The following ENTPD8 variants were observed in gnomAD, a reference collection of about 807,000 sequenced individuals.
ENTPD8 encodes the protein E-NTPDase 8.
A neutral mutation model predicts 47.0 loss-of-function variants in ENTPD8; 35 were observed. That is an observed-to-expected ratio of 0.75 (90% CI 0.57 to 0.99). The LOEUF (loss-of-function observed/expected upper bound fraction) is 0.99. Ranked by LOEUF, ENTPD8 falls within the 50% of genes least tolerant of loss-of-function variation. The probability of loss-of-function intolerance (pLI) is 0.00; values close to 1 mark genes in which losing one functional copy is unlikely to be tolerated. For missense variants in ENTPD8, 668 were observed against 649.9 expected, an observed-to-expected ratio of 1.03 and a Z score of -0.30; for synonymous variants, 308 against 290.5, an observed-to-expected ratio of 1.06 and a Z score of -0.61.
chr9:137,435,545 G>T (rs28558849), intron 8 of ENTPD8, among the ~76,000 whole-genome samples, 174 bp downstream of exon 8: 1 of 152,254 alleles, frequency 6.6e-6, no homozygotes, highest in East Asian at 1.9e-4. Context: ...GCCCAGCTGC[G>T]GCCGTGGCCA....
rs1326755316 is a variant in ENTPD8 at position 137,434,926 on chromosome 9, C to A, written c.1476G>T (p.Trp492Cys). The change falls in exon 10 of 10, where the codon TGG becomes TGT. Residue 492 changes from tryptophan to cysteine, a missense_variant. Physicochemically the swap from Trp to Cys is radical, Grantham distance 215. Transcript: ENST00000371506. ...VVGAALVQLF[W>C]LQD ...CTCCGCCTTCCCACTAGTCCTGCAA[C>A]CAGAAGAGCTGGACCAAGGCAGCCC... The A allele has an allele frequency of 1.2e-6, 2 of 1,610,322 alleles. No homozygotes were observed. Among genetic ancestry groups the A allele is most frequent in the Non-Finnish European group, 1.7e-6 (2 of 1,178,562 alleles).
At position 137,436,510 on chromosome 9, in the gene ENTPD8, G is replaced by T; in HGVS notation, c.786+11C>A. On this transcript the variant is annotated intron_variant, in intron 6 of 9. Coordinates refer to ENST00000371506, the MANE Select transcript of ENTPD8 (RefSeq NM_001033113.2). ...CCACAGCCCCATGCACCCTCCCCAG[G>T]GCCAGCTGACCTGTACCAGCCCCAC... 6.3e-7 allele frequency: 1 copy of T among 1,593,240 alleles called. No individual in the cohort carries two copies.
In ENTPD8 at chr9:137,437,948, T is replaced by G; in HGVS notation, c.244+19A>C. ...CAACAGGCAGGTCCCAGCACCGGGC[T>G]GCAGAACAGCCCACTAACCTTCCAC... is the stretch of plus-strand genomic sequence containing the variant. On this transcript the variant is annotated intron_variant, in intron 3 of 9. Transcript: ENST00000371506. 6.2e-7 allele frequency: 1 copy of G among 1,601,418 alleles called. No individual in the cohort carries two copies. Among genetic ancestry groups the G allele is most frequent in the Non-Finnish European group, 8.5e-7 (1 of 1,171,136 alleles).
At position 137,434,592 on chromosome 9, in the gene ENTPD8, G is replaced by T. The variant is rs1024595371; in HGVS notation, c.*322C>A. ...GGAGCAGGACCCCTGTGCCTCCGTG[G>T]TCTTGCCCTGTTTGCAGGCAGCATG... On this transcript the variant is annotated 3_prime_UTR_variant, in exon 10 of 10. Coordinates refer to ENST00000371506, the MANE Select transcript of ENTPD8 (RefSeq NM_001033113.2). 7 of 593,986 alleles carry T rather than the reference G, an allele frequency of 1.2e-5. No individual in the cohort carries two copies. The highest frequency in any genetic ancestry group is 7.5e-5 in the African/African-American group (4 of 53,272). 36.8% of individuals were successfully genotyped at this position (593,986 alleles called of 1,614,324 possible).
rs1317325962 is a variant in ENTPD8 at position 137,438,667 on chromosome 9, C to T, written c.-20-362G>A. Among the ~76,000 whole-genome samples, 1 of 150,106 alleles carries T rather than the reference C, an allele frequency of 6.7e-6. No individual in the cohort carries two copies. Among genetic ancestry groups the T allele is most frequent in the African/African-American group, 2.4e-5 (1 of 40,834 alleles). On this transcript the variant is annotated intron_variant, in intron 1 of 9. Coordinates refer to ENST00000371506, the MANE Select transcript of ENTPD8 (RefSeq NM_001033113.2). This position sits in a 1 kb window ranked among gnomAD's most constrained non-coding sequence, Gnocchi z 5.7. ...GGTCTCCCGTGGCCATAGAGGCATC[C>T]CCGGGGCTCAGACGCCTCCCGTGGC...
rs1372026815 is a variant in ENTPD8, at chr9:137,435,321, A to G, written c.1179T>C (p.Pro393=). 6.2e-7 allele frequency: 1 copy of G among 1,611,130 alleles called. No homozygotes were observed. The highest frequency in any genetic ancestry group is 8.5e-7 in the Non-Finnish European group (1 of 1,179,250). ...AGTCCCGCAGCCAGCGGTCCTGCCC[A>G]GGGTAGCTGGCCTCCACCTGGGGCC... ...RPWKLVEASY[P]GQDRWLRDYC... The change falls in exon 9 of 10, where the codon CCT becomes CCC. Residue 393 remains proline, a synonymous_variant. Transcript: ENST00000371506.
chr9:137,438,374 G>T lies in ENTPD8; in HGVS notation c.-20-69C>A. 7 of 1,423,692 alleles carry T rather than the reference G, an allele frequency of 4.9e-6. No individual in the cohort carries two copies. The highest frequency in any genetic ancestry group is 6.5e-6 in the Non-Finnish European group (7 of 1,084,624). The allele number at this position is 1,423,692 out of a possible 1,614,324, so 88.2% of individuals were successfully genotyped here. A position where few individuals can be genotyped will look rare whatever the true frequency, so the allele number is the denominator to read the frequency against. The stretch of plus-strand genomic sequence containing the variant: ...CCCATCCCGCCCTCCAGAGGCAGAG[G>T]CTTCGCTCCCCGTCTCCCTGGAGAC... On this transcript the variant is annotated intron_variant, in intron 1 of 9. Transcript: ENST00000371506. This position sits in a 1 kb window ranked among gnomAD's most constrained non-coding sequence, Gnocchi z 5.7.
At chr9:137,436,320 G>C in intron 6 of ENTPD8, 44 bp from the exon 7 acceptor site, 1 of 1,503,576 alleles carries the variant, frequency 6.7e-7, no homozygotes, top group Non-Finnish European at 8.9e-7. Flanking sequence ...CACACCTGCG[G>C]CCCTGTGCCC....
intron 1 of ENTPD8, among the ~76,000 whole-genome samples, chr9:137,440,092 C>G (rs1403631308): frequency 3.4e-5 from 1 of 29,786 alleles, no homozygotes; most frequent in African/African-American, 1.6e-4. Context: ...CCCCCCCAGA[C>G]CAGGACAGCC....
chr9:137,434,380 C>A lies in ENTPD8; in HGVS notation c.*534G>T, dbSNP rs1366252446. 3 of 1,549,896 alleles carry A rather than the reference C, an allele frequency of 1.9e-6. No homozygotes were observed. Among genetic ancestry groups the A allele is most frequent in the African/African-American group, 1.4e-5 (1 of 73,150 alleles). Reference sequence around the variant, plus strand: ...CCCTAATGATGCTGTGTCCATGATGCTTTTAATAAAAACAACCCCCACTGC... The same window carrying A: ...CCCTAATGATGCTGTGTCCATGATGATTTTAATAAAAACAACCCCCACTGC... On this transcript the variant is annotated 3_prime_UTR_variant, in exon 10 of 10. Coordinates refer to ENST00000371506, the MANE Select transcript of ENTPD8 (RefSeq NM_001033113.2).
rs1489467723 is a variant in ENTPD8, at chr9:137,438,656, A to C, written c.-20-351T>G. On this transcript the variant is annotated intron_variant, in intron 1 of 9. Coordinates refer to ENST00000371506, the MANE Select transcript of ENTPD8 (RefSeq NM_001033113.2). The surrounding 1 kb of genome is among the most constrained non-coding windows in gnomAD (Gnocchi z 5.7). ...GGGGCTCAGACGGTCTCCCGTGGCC[A>C]TAGAGGCATCCCCGGGGCTCAGACG... 2.7e-5 allele frequency among the ~76,000 whole-genome samples: 4 copies of C among 147,982 alleles called. No homozygotes were observed. The highest frequency in any genetic ancestry group is 1.0e-4 in the African/African-American group (4 of 39,810).
intron 1 of ENTPD8, among the ~76,000 whole-genome samples, chr9:137,439,718 A>G (rs1426255606): frequency 1.3e-5 from 2 of 152,106 alleles, no homozygotes; most frequent in Non-Finnish European, 2.9e-5. Context: ...GACAGGGGCC[A>G]GGAACACAGG....
rs781375797 is a variant in ENTPD8 at position 137,436,949 on chromosome 9, C to G, written c.475G>C (p.Gly159Arg). Reference sequence around the variant, plus strand: ...GCCTGCCCGGCCAGGAGCTCGGCACCCCAAAAGTCCACGGGAGACCGGCCC... The same window carrying G: ...GCCTGCCCGGCCAGGAGCTCGGCACGCCAAAAGTCCACGGGAGACCGGCCC... ...VLGRSPVDFW[G>R]AELLAGQAEG... Residue 159 changes from glycine to arginine, a missense_variant, in exon 5 of 10, where the codon GGT (glycine) becomes CGT (arginine). Coordinates refer to ENST00000371506, the MANE Select transcript of ENTPD8 (RefSeq NM_001033113.2). The G allele has an allele frequency of 6.2e-7, 1 of 1,613,032 alleles. No individual in the cohort carries two copies. Among genetic ancestry groups the G allele is most frequent in the Non-Finnish European group, 8.5e-7 (1 of 1,179,970 alleles).
Position 137,435,213 on chromosome 9 carries a change from G to T in ENTPD8, c.1287C>A (p.Phe429Leu). The T allele has an allele frequency of 6.2e-7, 1 of 1,611,148 alleles. No individual in the cohort carries two copies. ...CAGGGGAGGCAGTCACCTGCTTTCG[G>T]AACTCGAGGCTGGGCCAGGTCTCCT... is the stretch of plus-strand genomic sequence containing the variant. ...FSEETWPSLE[F>L]RKQAGGVDIG... The change falls in exon 9 of 10, where the codon TTC becomes TTA. Residue 429 changes from phenylalanine to leucine, a missense_variant. Physicochemically the swap from Phe to Leu is conservative, Grantham distance 22. Coordinates refer to ENST00000371506, the MANE Select transcript of ENTPD8 (RefSeq NM_001033113.2).
At position 137,438,322 on chromosome 9, in the gene ENTPD8, G is replaced by A. The variant is rs373873981; in HGVS notation, c.-20-17C>T. 127 of 1,507,764 alleles carry A rather than the reference G, an allele frequency of 8.4e-5. No homozygotes were observed. The Middle Eastern group carries it at 1.6e-3, about 19-fold the overall frequency. The allele number at this position is 1,507,764 out of a possible 1,614,324, so 93.4% of individuals were successfully genotyped here. On this transcript the variant is annotated splice_polypyrimidine_tract_variant and intron_variant, in intron 1 of 9. Coordinates refer to ENST00000371506, the MANE Select transcript of ENTPD8 (RefSeq NM_001033113.2). This position sits in a 1 kb window ranked among gnomAD's most constrained non-coding sequence, Gnocchi z 5.7. ...TACTGGTTCCTGTGGGGGGACGGCCGTGGGCACCCAGGCTGCACTTGGTGT... is the reference window on the plus strand; with the variant it reads ...TACTGGTTCCTGTGGGGGGACGGCCATGGGCACCCAGGCTGCACTTGGTGT...
intron 6 of ENTPD8, 26 bp downstream of exon 6, chr9:137,436,495 A>T (rs761334550): frequency 3.2e-6 from 5 of 1,576,318 alleles, no homozygotes; most frequent in Non-Finnish European, 2.6e-6. Context: ...CCACAGCCCC[A>T]TGCACCCTCC....
At position 137,435,709 on chromosome 9, in the gene ENTPD8, G is replaced by C; in HGVS notation, c.1161+10C>G. The C allele has an allele frequency of 6.2e-7, 1 of 1,609,048 alleles. No individual in the cohort carries two copies. Among genetic ancestry groups the C allele is most frequent in the Non-Finnish European group, 8.5e-7 (1 of 1,176,372 alleles). On this transcript the variant is annotated intron_variant, in intron 8 of 9. Coordinates refer to ENST00000371506, the MANE Select transcript of ENTPD8 (RefSeq NM_001033113.2). ...CCTCGCTGCAGCCAGGGAGCCCAGG[G>C]CCCACCCACCAGTTTCCAGGGCCTC...
chr9:137,440,214 C>CG (rs1157494747), intron 1 of ENTPD8, among the ~76,000 whole-genome samples: 1 of 88,992 alleles, frequency 1.1e-5, no homozygotes, highest in Non-Finnish European at 2.3e-5. Context: ...GGACAGCCCC[C>CG]CCAGACCAGG....
rs906950607 is a variant in ENTPD8 at position 137,435,824 on chromosome 9, G to A, written c.1056C>T (p.Phe352=). 1 of 1,613,398 alleles carries A rather than the reference G, an allele frequency of 6.2e-7. No homozygotes were observed. Among genetic ancestry groups the A allele is most frequent in the South Asian group, 1.1e-5 (1 of 90,914 alleles). The change falls in exon 8 of 10, where the codon TTC becomes TTT. Residue 352 remains phenylalanine (F), a synonymous_variant. Transcript: ENST00000371506. ...QPPLRGQFYA[F]SNFYYTFHFL... ...AGTGGAAGGTGTAGTAGAAGTTGGAGAAGGCCTGAGTGAGAGGGGAGGTGG... is the reference window on the plus strand; with the variant it reads ...AGTGGAAGGTGTAGTAGAAGTTGGAAAAGGCCTGAGTGAGAGGGGAGGTGG...
Sources: allele counts gnomAD v4.1 joint callset (sites outside exome capture counted in the v4.1 genomes callset), GRCh38; gene constraint gnomAD v4.1.1; non-coding constraint Gnocchi (gnomAD v3.1); transcripts MANE v1.5; gene names NCBI Gene and HGNC (gene_info 2026-07-23, HGNC 2026-07-21).